The following DOP1B variants were observed in gnomAD, a reference collection of about 807,000 sequenced individuals.
DOP1B encodes the protein DOP1 leucine zipper like protein B.
In DOP1B, 174 loss-of-function variants were observed where a neutral mutation model predicts 233.5. The ratio of observed to expected loss-of-function variants is 0.75; its 90% CI spans 0.66 to 0.85. DOP1B has a LOEUF of 0.85. Ranked by LOEUF, DOP1B falls within the 40% of genes least tolerant of loss-of-function variation. The pLI, the probability that DOP1B is intolerant of heterozygous loss-of-function variation, is 0.00. For missense variants in DOP1B, 2,652 were observed against 2,846.6 expected (o/e 0.93, Z 1.56); for synonymous variants, 1,190 against 1,185.6 (o/e 1.00, Z -0.08).
intron 26 of DOP1B, among the ~76,000 whole-genome samples, chr21:36,267,755 AAG>A (rs1345555087): frequency 1.3e-5 from 2 of 151,480 alleles, no homozygotes; most frequent in African/African-American, 4.9e-5. Context: ...ACACAGTATA[AAG>A]AGAGGAATGT....
At chr21:36,273,660 C>T (rs960847248) in intron 27 of DOP1B, among the ~76,000 whole-genome samples, 6 of 152,026 alleles carry the variant, frequency 3.9e-5, no homozygotes, top group African/African-American at 7.2e-5. Context: ...GCCTTGGCCA[C>T]GGGAGTGGGC....
rs751171124 is a variant in DOP1B at position 36,229,310 on chromosome 21, T to C, written c.1666-1140T>C. ...GTCAGCAAGGTTGGCACCTCCTGAG[T>C]GCACTGGGGAAAAAGAGTCTGTCTC... On this transcript the variant is annotated intron_variant, in intron 13 of 36. Transcript: ENST00000691173. 3.0e-4 allele frequency among the ~76,000 whole-genome samples: 46 copies of C among 152,242 alleles called. No individual in the cohort carries two copies. The South Asian group carries it at 3.1e-3, about 10-fold the overall frequency.
At chr21:36,186,750 C>A (rs1252709692) in intron 2 of DOP1B, among the ~76,000 whole-genome samples, 1 of 152,196 alleles carries the variant, frequency 6.6e-6, no homozygotes, top group Non-Finnish European at 1.5e-5. Flanking sequence ...GACCTCTGAG[C>A]TCCAGCTCGT....
chr21:36,289,922 G>A (rs918379024), intron 35 of DOP1B, among the ~76,000 whole-genome samples: 9 of 152,192 alleles, frequency 5.9e-5, no homozygotes, highest in African/African-American at 2.2e-4. Context: ...GTGAAGCACA[G>A]AGGATTTTTA....
chr21:36,231,022 C>T lies in DOP1B; in HGVS notation c.2238C>T (p.Arg746=), dbSNP rs758321408. The part of the protein sequence containing the change: ...VIDLGGSREE[R]REAFAAACHL... ...ACCTGGGGGGTTCCAGGGAGGAACG[C>T]AGGGAGGCCTTTGCCGCCGCCTGCC... Residue 746 remains arginine (R), a synonymous_variant, in exon 14 of 37, where the codon CGC becomes CGT. Transcript: ENST00000691173. 1 of 1,614,154 alleles carries T rather than the reference C, an allele frequency of 6.2e-7. No individual in the cohort carries two copies. The highest frequency in any genetic ancestry group is 8.5e-7 in the Non-Finnish European group (1 of 1,180,036).
chr21:36,287,743 C>T (rs569343528), intron 32 of DOP1B, among the ~76,000 whole-genome samples: 205 of 151,888 alleles, frequency 1.3e-3, no homozygotes, highest in African/African-American at 4.7e-3. Flanking sequence ...CCCACCACCA[C>T]GCCCGACTAA....
chr21:36,224,930 G>C (rs1171019430), intron 11 of DOP1B, among the ~76,000 whole-genome samples: 2 of 151,898 alleles, frequency 1.3e-5, no homozygotes, highest in Admixed American at 6.6e-5. Flanking sequence ...GTGTTCTCCA[G>C]CCCAGCCTCG....
intron 4 of DOP1B, among the ~76,000 whole-genome samples, chr21:36,203,844 C>G (rs2066399360): frequency 6.6e-6 from 1 of 151,016 alleles, no homozygotes; most frequent in Non-Finnish European, 1.5e-5. Flanking sequence ...CCTTTGGGGT[C>G]TGCAGATAAC....
chr21:36,225,751 A>G (rs1290374909), intron 12 of DOP1B, 84 bp downstream of exon 12: 2 of 1,341,580 alleles, frequency 1.5e-6, no homozygotes, highest in African/African-American at 1.4e-5. Context: ...TCAACCTCAC[A>G]TTACTGAAAA....
In DOP1B at chr21:36,246,356, A is replaced by G. The variant is rs1384409110; in HGVS notation, c.4376A>G (p.His1459Arg). Residue 1459 changes from histidine (H) to arginine (R), a missense_variant, in exon 19 of 37, where the codon CAT (histidine) becomes CGT (arginine). This residue lies in a region of DOP1B where 2,617 missense variants were observed against 2,794.3 expected (regional missense o/e 0.94). Coordinates refer to ENST00000691173, the MANE Select transcript of DOP1B (RefSeq NM_001320714.2). The surrounding 1 kb of genome is among the most constrained non-coding windows in gnomAD (Gnocchi z 5.1). ...IVLEHHLGRA[H>R]EEAENQPDLS... ...TTGGAACACCACCTGGGTCGGGCCC[A>G]TGAGGAGGCGGAAAACCAGCCCGAC... 2 of 1,613,632 alleles carry G rather than the reference A, an allele frequency of 1.2e-6. No homozygotes were observed. Among genetic ancestry groups the G allele is most frequent in the Non-Finnish European group, 1.7e-6 (2 of 1,179,946 alleles).
intron 2 of DOP1B, among the ~76,000 whole-genome samples, chr21:36,176,696 G>T (rs931803939): frequency 1.2e-4 from 18 of 152,118 alleles, no homozygotes; most frequent in African/African-American, 4.1e-4. Flanking sequence ...CGTTAAACTA[G>T]ATCCTGTACC....
At chr21:36,250,154 G>GC (rs1480684555) in intron 21 of DOP1B, among the ~76,000 whole-genome samples, 28 of 152,282 alleles carry the variant, frequency 1.8e-4, no homozygotes, top group Non-Finnish European at 3.5e-4. Context: ...GGGCCGGGGA[G>GC]CGGGACCCCA....
intron 27 of DOP1B, among the ~76,000 whole-genome samples, chr21:36,274,027 G>A (rs189673401): frequency 3.3e-5 from 5 of 152,182 alleles, no homozygotes; most frequent in African/African-American, 1.2e-4. Flanking sequence ...GCAGTGAGCC[G>A]AGATCGCGCC....
chr21:36,266,427 G>A (rs1415796018), intron 26 of DOP1B, among the ~76,000 whole-genome samples: 1 of 152,168 alleles, frequency 6.6e-6, no homozygotes, highest in Non-Finnish European at 1.5e-5. Context: ...AGCCGCCTCA[G>A]CCTCCCAAAG....
intron 2 of DOP1B, among the ~76,000 whole-genome samples, chr21:36,178,685 T>C (rs1018564991): frequency 6.6e-6 from 1 of 152,216 alleles, no homozygotes; most frequent in Non-Finnish European, 1.5e-5. Flanking sequence ...CTTGTATTTT[T>C]CAGAAAAAAA....
chr21:36,285,040 C>T (rs1313912098), intron 32 of DOP1B, among the ~76,000 whole-genome samples: 1 of 151,920 alleles, frequency 6.6e-6, no homozygotes. Context: ...GTTTTGGGCT[C>T]TTGGGAAAAG....
intron 10 of DOP1B, among the ~76,000 whole-genome samples, chr21:36,222,748 T>C (rs2066640515): frequency 6.6e-6 from 1 of 152,062 alleles, no homozygotes; most frequent in Non-Finnish European, 1.5e-5. Context: ...TTTATTTTTA[T>C]TTTTTGAGAC....
intron 21 of DOP1B, among the ~76,000 whole-genome samples, chr21:36,249,684 G>A (rs1369907232): frequency 6.6e-6 from 1 of 152,184 alleles, no homozygotes; most frequent in African/African-American, 2.4e-5. Flanking sequence ...TGCCTCAGAA[G>A]GCTGTAGGCG....
chr21:36,239,931 T>C lies in DOP1B; in HGVS notation c.3043T>C (p.Cys1015Arg), dbSNP rs761611948. 50 of 1,610,454 alleles carry C rather than the reference T, an allele frequency of 3.1e-5. No homozygotes were observed. Among genetic ancestry groups the C allele is most frequent in the Non-Finnish European group, 4.1e-5 (48 of 1,179,512 alleles). The change falls in exon 18 of 37, where the codon TGC becomes CGC. Residue 1015 changes from cysteine (C) to arginine (R), a missense_variant. Cys to Arg is a radical substitution (Grantham distance 180, BLOSUM62 -3). Coordinates refer to ENST00000691173, the MANE Select transcript of DOP1B (RefSeq NM_001320714.2). ...QPKTQRTSIH[C>R]LKQENSADDL... The stretch of plus-strand genomic sequence containing the variant: ...AAAAACCCAGAGAACCTCCATCCAC[T>C]GCCTCAAGCAGGAGAACTCGGCCGG...
Sources: gnomAD v4.1 joint callset for allele counts (sites outside exome capture counted in the v4.1 genomes callset) on GRCh38, gnomAD v4.1.1 for gene constraint, gnomAD v4.1.1 regional missense constraint, Gnocchi (gnomAD v3.1) non-coding constraint, MANE v1.5 for transcripts, NCBI Gene and HGNC (gene_info 2026-07-23, HGNC 2026-07-21) for gene names.